Variants in TSPAN9 observed in about 807,000 individuals in gnomAD.
TSPAN9 encodes the protein tetraspanin 9, also known as tetraspanin-9.
A neutral mutation model predicts 31.0 loss-of-function variants in TSPAN9; 16 were observed. The ratio of observed to expected loss-of-function variants is 0.52; its 90% CI spans 0.35 to 0.78. The LOEUF (loss-of-function observed/expected upper bound fraction) is 0.78. Among genes scored for constraint, TSPAN9 ranks in the 30% least tolerant of loss-of-function variants. The pLI is 0.01. For missense variants in TSPAN9, 272 were observed against 312.5 expected (o/e 0.87, Z 0.98); for synonymous variants, 145 against 121.6 (o/e 1.19, Z -1.27).
chr12:3,130,852 T>C lies in TSPAN9; in HGVS notation c.-18+47133T>C, dbSNP rs1047444428. Among the ~76,000 whole-genome samples the C allele has an allele frequency of 3.9e-5, 6 of 152,210 alleles. No homozygotes were observed. In the East Asian group the frequency reaches 9.6e-4, roughly 24 times the overall value. ...CTGTTTCTTTGCACATTTTCTTTTTTTGTGGCGACCTTGATTCCTTTAGGA... is the reference window on the plus strand; with the variant it reads ...CTGTTTCTTTGCACATTTTCTTTTTCTGTGGCGACCTTGATTCCTTTAGGA... On this transcript the variant is annotated intron_variant, in intron 2 of 8. Coordinates refer to ENST00000011898, the MANE Select transcript of TSPAN9 (RefSeq NM_006675.5).
At chr12:3,254,259 C>A (rs967781210) in intron 3 of TSPAN9, among the ~76,000 whole-genome samples, 1 of 152,202 alleles carries the variant, frequency 6.6e-6, no homozygotes, top group African/African-American at 2.4e-5. Flanking sequence ...ACCTTCAGGA[C>A]TCCAGCTTCT....
At chr12:3,218,788 T>C (rs2098382721) in intron 3 of TSPAN9, among the ~76,000 whole-genome samples, 1 of 152,230 alleles carries the variant, frequency 6.6e-6, no homozygotes, top group African/African-American at 2.4e-5. Flanking sequence ...TTAGCCCCGC[T>C]GGCTCTCCGC....
chr12:3,114,986 C>T (rs190257490), intron 2 of TSPAN9, among the ~76,000 whole-genome samples: 1 of 152,202 alleles, frequency 6.6e-6, no homozygotes, highest in East Asian at 1.9e-4. Flanking sequence ...ACTATATTCT[C>T]AGCGTGTGAC....
At chr12:3,253,557 A>G (rs1330751453) in intron 3 of TSPAN9, among the ~76,000 whole-genome samples, 2 of 152,230 alleles carry the variant, frequency 1.3e-5, no homozygotes, top group Non-Finnish European at 2.9e-5. Flanking sequence ...GGCCAGTGCC[A>G]TGGGGTTTGC....
intron 2 of TSPAN9, among the ~76,000 whole-genome samples, chr12:3,140,130 C>A (rs2098334096): frequency 7.8e-6 from 1 of 128,246 alleles, no homozygotes; most frequent in Admixed American, 8.6e-5. Flanking sequence ...AGATTACTAC[C>A]CAGAGTGTGG....
intron 3 of TSPAN9, among the ~76,000 whole-genome samples, chr12:3,253,081 C>T (rs986413114): frequency 6.6e-6 from 1 of 152,096 alleles, no homozygotes; most frequent in Non-Finnish European, 1.5e-5. Flanking sequence ...GTGGATCTGA[C>T]CCACCTCTCA....
intron 2 of TSPAN9, among the ~76,000 whole-genome samples, chr12:3,109,418 A>G (rs61916264): frequency 0.12 from 18,843 of 151,632 alleles, 1,561 homozygotes; most frequent in Middle Eastern, 0.17. Flanking sequence ...GAGGCATTAA[A>G]AGGTGATTGG....
chr12:3,123,248 C>T (rs2098325937), intron 2 of TSPAN9, among the ~76,000 whole-genome samples: 1 of 152,194 alleles, frequency 6.6e-6, no homozygotes, highest in South Asian at 2.1e-4. Context: ...TTGGGAGGAA[C>T]CTGTTGCTCC....
intron 3 of TSPAN9, among the ~76,000 whole-genome samples, chr12:3,209,434 C>G (rs574713045): frequency 6.6e-6 from 1 of 152,082 alleles, no homozygotes; most frequent in Admixed American, 6.5e-5. Context: ...TAAACATTCT[C>G]GTATAAGTCT....
chr12:3,157,924 G>A (rs1051181060), intron 2 of TSPAN9, among the ~76,000 whole-genome samples: 1 of 152,192 alleles, frequency 6.6e-6, no homozygotes, highest in African/African-American at 2.4e-5. Flanking sequence ...GACGATGAGC[G>A]AAAACGCACC....
intron 2 of TSPAN9, among the ~76,000 whole-genome samples, chr12:3,088,756 G>C (rs962790143): frequency 7.2e-5 from 11 of 152,320 alleles, no homozygotes; most frequent in Non-Finnish European, 1.6e-4. Flanking sequence ...GGGAAGAGAA[G>C]GGTCTCTGAG....
chr12:3,081,808 TTGTG>T (rs985080707), intron 1 of TSPAN9, among the ~76,000 whole-genome samples: 2 of 58,458 alleles, frequency 3.4e-5, no homozygotes, highest in Non-Finnish European at 3.4e-5. Context: ...ATCTAAAAAA[TTGTG>T]TGTGTGTGTG....
At chr12:3,106,067 C>T (rs937563426) in intron 2 of TSPAN9, among the ~76,000 whole-genome samples, 1 of 152,198 alleles carries the variant, frequency 6.6e-6, no homozygotes, top group African/African-American at 2.4e-5. Context: ...CTACACATAG[C>T]ATGCACACTC....
chr12:3,183,331 C>T (rs1345161351), intron 2 of TSPAN9, among the ~76,000 whole-genome samples: 1 of 152,126 alleles, frequency 6.6e-6, no homozygotes, highest in Non-Finnish European at 1.5e-5. Flanking sequence ...AGATTTTGGC[C>T]AGGATTTTCT....
chr12:3,228,045 T>C (rs1565623110), intron 3 of TSPAN9, among the ~76,000 whole-genome samples: 1 of 152,164 alleles, frequency 6.6e-6, no homozygotes, highest in Non-Finnish European at 1.5e-5. Context: ...CTAAATGCTT[T>C]GTCTGTATTA....
At chr12:3,145,135 C>T (rs951690568) in intron 2 of TSPAN9, among the ~76,000 whole-genome samples, 2 of 152,214 alleles carry the variant, frequency 1.3e-5, no homozygotes, top group African/African-American at 4.8e-5. Flanking sequence ...GTGCGTGCAG[C>T]AGCCCTCGGC....
intron 3 of TSPAN9, among the ~76,000 whole-genome samples, chr12:3,248,005 A>C (rs1235904781): frequency 1.3e-5 from 2 of 152,202 alleles, no homozygotes; most frequent in African/African-American, 4.8e-5. Flanking sequence ...CTGCATCTTA[A>C]TCAAATGACA....
chr12:3,164,185 AG>A (rs753819920), intron 2 of TSPAN9, among the ~76,000 whole-genome samples: 12 of 152,206 alleles, frequency 7.9e-5, no homozygotes, highest in Non-Finnish European at 1.5e-4. Flanking sequence ...CTCTTTCCTA[AG>A]GTGCTTTCGT....
chr12:3,113,580 A>G (rs2098320358), intron 2 of TSPAN9, among the ~76,000 whole-genome samples: 1 of 152,148 alleles, frequency 6.6e-6, no homozygotes, highest in Non-Finnish European at 1.5e-5. Flanking sequence ...GAACTCTTCC[A>G]TCTTCTATCA....
Sources: gnomAD v4.1 joint callset for allele counts (sites outside exome capture counted in the v4.1 genomes callset) on GRCh38, gnomAD v4.1.1 for gene constraint, MANE v1.5 for transcripts, NCBI Gene and HGNC (gene_info 2026-07-23, HGNC 2026-07-21) for gene names.